Variants in DLC1 observed in about 807,000 individuals in gnomAD.
DLC1 encodes rho GTPase-activating protein 7.
A neutral mutation model predicts 140.3 loss-of-function variants in DLC1; 54 were observed. That is an observed-to-expected ratio of 0.38 (90% CI 0.31 to 0.48). DLC1 has a LOEUF of 0.48. DLC1 is among the 20% of genes least tolerant of loss of function. The pLI is 0.96. For missense variants in DLC1, 2,536 were observed against 1,907.0 expected (o/e 1.33, Z -6.14); for synonymous variants, 986 against 728.1 (o/e 1.35, Z -5.70).
At chr8:13,115,285 A>C (rs1820452942) in intron 6 of DLC1, among the ~76,000 whole-genome samples, 1 of 152,196 alleles carries the variant, frequency 6.6e-6, no homozygotes, top group South Asian at 2.1e-4. Context: ...CTTTGTAAAA[A>C]TGTACTTTTC....
chr8:13,114,345 G>A (rs1820366175), intron 6 of DLC1, among the ~76,000 whole-genome samples: 1 of 152,228 alleles, frequency 6.6e-6, no homozygotes, highest in African/African-American at 2.4e-5. Flanking sequence ...CAGGGCGACA[G>A]AGCGAGACTC....
chr8:13,244,418 C>T (rs1039700101), intron 5 of DLC1, among the ~76,000 whole-genome samples: 2 of 152,016 alleles, frequency 1.3e-5, no homozygotes. Context: ...TCTTCTCAGC[C>T]TCCAGAGTGG....
Position 13,393,447 on chromosome 8 carries a change from G to T in DLC1, c.1314+106C>A, listed in dbSNP as rs1202407449. ...AATTAAATATCATTAAGTCACTATG[G>T]CTAAGATTCCAACAGTATTTCTTCT... On this transcript the variant is annotated intron_variant, in intron 4 of 17. Coordinates refer to ENST00000276297, the MANE Select transcript of DLC1 (RefSeq NM_182643.3). 14 of 1,260,476 alleles carry T rather than the reference G, an allele frequency of 1.1e-5. No individual in the cohort carries two copies. The East Asian group carries it at 1.7e-4, about 15-fold the overall frequency. The allele number at this position is 1,260,476 out of a possible 1,614,324, so 78.1% of individuals were successfully genotyped here. A position where few individuals can be genotyped will look rare whatever the true frequency, so the allele number is the denominator to read the frequency against.
chr8:13,360,001 T>A (rs1024707649), intron 4 of DLC1, among the ~76,000 whole-genome samples: 1 of 152,214 alleles, frequency 6.6e-6, no homozygotes, highest in African/African-American at 2.4e-5. Context: ...ATTTTAAAAG[T>A]GAGTATGTTG....
chr8:13,206,893 A>G (rs1827690638), intron 5 of DLC1, among the ~76,000 whole-genome samples: 1 of 152,136 alleles, frequency 6.6e-6, no homozygotes, highest in African/African-American at 2.4e-5. Flanking sequence ...ACTCAAATTT[A>G]CTGACATTTC....
At chr8:13,567,491 C>G in intron 1 of DLC1, 1 of 1,552,088 alleles carries the variant, frequency 6.4e-7, no homozygotes, top group Non-Finnish European at 8.7e-7. Flanking sequence ...TTTAGTTGTA[C>G]TGTACCCGAT....
At chr8:13,098,262 G>T in intron 10 of DLC1, 137 bp downstream of exon 10, 1 of 1,133,952 alleles carries the variant, frequency 8.8e-7, no homozygotes, top group Non-Finnish European at 1.2e-6. Flanking sequence ...AAAATGCAGA[G>T]AGTGATTGCC....
chr8:13,417,599 C>T lies in DLC1; in HGVS notation c.1024-15980G>A, dbSNP rs559975843. Among the ~76,000 whole-genome samples the T allele has an allele frequency of 2.6e-5, 4 of 152,024 alleles. No homozygotes were observed. In the South Asian group the frequency reaches 8.3e-4, roughly 32 times the overall value. ...TGTATATGTGCCACATTTTCTTAATCCAGTCTATGATTGTTGGACATTTGT... is the reference window on the plus strand; with the variant it reads ...TGTATATGTGCCACATTTTCTTAATTCAGTCTATGATTGTTGGACATTTGT... On this transcript the variant is annotated intron_variant, in intron 2 of 17. Transcript: ENST00000276297.
intron 5 of DLC1, among the ~76,000 whole-genome samples, chr8:13,269,431 C>G (rs547745082): frequency 1.7e-3 from 266 of 152,218 alleles, no homozygotes; most frequent in Middle Eastern, 0.014. Context: ...ATGGCATTTC[C>G]TCTTTCTTCA....
At chr8:13,336,776 A>G (rs1833826697) in intron 4 of DLC1, among the ~76,000 whole-genome samples, 1 of 152,230 alleles carries the variant, frequency 6.6e-6, no homozygotes, top group African/African-American at 2.4e-5. Context: ...TTAATAATGT[A>G]CATAATATAT....
chr8:13,232,824 C>A (rs1318492535), intron 5 of DLC1, among the ~76,000 whole-genome samples: 1 of 152,156 alleles, frequency 6.6e-6, no homozygotes, highest in Admixed American at 6.5e-5. Flanking sequence ...CAGATGAGTT[C>A]TTAGAAATAG....
intron 5 of DLC1, among the ~76,000 whole-genome samples, chr8:13,281,197 C>T (rs1253282720): frequency 6.6e-6 from 1 of 152,182 alleles, no homozygotes; most frequent in Admixed American, 6.6e-5. Flanking sequence ...AGTGCATTTG[C>T]TCTGGCAACT....
At chr8:13,220,826 T>A (rs1254078283) in intron 5 of DLC1, among the ~76,000 whole-genome samples, 7 of 152,154 alleles carry the variant, frequency 4.6e-5, no homozygotes, top group African/African-American at 1.4e-4. Context: ...AGTTTGAAAT[T>A]AGAATTGTCA....
intron 1 of DLC1, among the ~76,000 whole-genome samples, chr8:13,602,742 A>G (rs1805930724): frequency 6.6e-6 from 1 of 151,908 alleles, no homozygotes; most frequent in African/African-American, 2.4e-5. Context: ...AACAAAATAA[A>G]ACAACATAAT....
upstream of DLC1, among the ~76,000 whole-genome samples, chr8:13,519,179 G>A (rs1229579148): frequency 2.8e-5 from 4 of 141,980 alleles, no homozygotes; most frequent in Non-Finnish European, 6.0e-5. Flanking sequence ...CCAGGATGGA[G>A]TGCAGTGGCG....
At chr8:13,590,160 G>C (rs1438558034) in intron 1 of DLC1, among the ~76,000 whole-genome samples, 5 of 150,632 alleles carry the variant, frequency 3.3e-5, no homozygotes, top group Non-Finnish European at 7.4e-5. Flanking sequence ...GTTTGGATTG[G>C]CACCAATCCT....
intron 3 of DLC1, 142 bp from the exon 4 acceptor site, chr8:13,393,835 G>T: frequency 1.1e-6 from 1 of 942,628 alleles, no homozygotes; most frequent in African/African-American, 1.7e-5. Flanking sequence ...TGACAGTGAC[G>T]TGTCACACAT....
intron 2 of DLC1, among the ~76,000 whole-genome samples, chr8:13,407,058 C>T (rs1332460012): frequency 1.3e-5 from 2 of 152,150 alleles, no homozygotes; most frequent in Non-Finnish European, 2.9e-5. Flanking sequence ...CCACTTGTGT[C>T]TCTTTCAGAC....
At chr8:13,356,042 A>T (rs1280929431) in intron 4 of DLC1, among the ~76,000 whole-genome samples, 2 of 130,076 alleles carry the variant, frequency 1.5e-5, no homozygotes, top group Non-Finnish European at 3.1e-5. Flanking sequence ...GTGAGCCGGG[A>T]TCGCGCCACT....
Sources: gnomAD v4.1 joint callset for allele counts (sites outside exome capture counted in the v4.1 genomes callset) on GRCh38, gnomAD v4.1.1 for gene constraint, MANE v1.5 for transcripts, NCBI Gene and HGNC (gene_info 2026-07-23, HGNC 2026-07-21) for gene names.